GATAD2A: variants seen among roughly 807,000 people sequenced by gnomAD.
The protein encoded by GATAD2A is transcriptional repressor p66-alpha.
GATAD2A carries 12 observed loss-of-function variants against 68.5 expected under a neutral mutation model. The ratio of observed to expected loss-of-function variants is 0.18; its 90% CI spans 0.11 to 0.28. The LOEUF (loss-of-function observed/expected upper bound fraction) is 0.28, where lower values mean the gene tolerates loss of function less well. Ranked by LOEUF, GATAD2A falls within the 10% of genes least tolerant of loss-of-function variation. The pLI is 1.00. For synonymous variants in GATAD2A, 410 were observed against 375.3 expected (o/e 1.09, Z -1.07); for missense variants, 755 against 868.5 (o/e 0.87, Z 1.64).
intron 1 of GATAD2A, among the ~76,000 whole-genome samples, chr19:19,422,404 C>T (rs2052531975): frequency 6.6e-6 from 1 of 152,152 alleles, no homozygotes; most frequent in Non-Finnish European, 1.5e-5. Flanking sequence ...GCTGTTGGGC[C>T]ACACAAGCAG....
intron 1 of GATAD2A, among the ~76,000 whole-genome samples, chr19:19,420,249 CT>C (rs1674805885): frequency 6.9e-6 from 1 of 145,398 alleles, no homozygotes; most frequent in African/African-American, 2.6e-5. Context: ...TCTCGAACTC[CT>C]GACCTCAGGT....
In GATAD2A at chr19:19,440,243, ATTTTTATTTTTATTTAT is replaced by A. The variant is rs377654070; in HGVS notation, c.-6-25077_-6-25061del. The A allele has an allele frequency of 7.3e-4, 186 of 255,454 alleles. 10 individuals are homozygous for A. The highest frequency in any genetic ancestry group is 5.9e-3 in the East Asian group (40 of 6,756). 15.8% of individuals were successfully genotyped at this position (255,454 alleles called of 1,614,324 possible). A position where few individuals can be genotyped will look rare whatever the true frequency, so the allele number is the denominator to read the frequency against. On this transcript the variant is annotated intron_variant, in intron 1 of 11. Transcript: ENST00000683918. ...AAAGGTGGGGGGATTTGCTCATTTT[ATTTTTATTTTTATTTAT>A]TTTTTATTTTTATTTATTTATTTTT...
intron 11 of GATAD2A, among the ~76,000 whole-genome samples, chr19:19,504,412 C>G (rs773826514): frequency 6.6e-6 from 1 of 152,186 alleles, no homozygotes; most frequent in Non-Finnish European, 1.5e-5. Flanking sequence ...CCCAGTGTCT[C>G]CCCTTCACTT....
intron 1 of GATAD2A, among the ~76,000 whole-genome samples, chr19:19,460,931 C>T (rs1236896151): frequency 6.6e-6 from 1 of 152,204 alleles, no homozygotes; most frequent in Non-Finnish European, 1.5e-5. Context: ...CCGCCCGTTC[C>T]ACCCAGCCCC....
chr19:19,457,673 G>A (rs2057059949), intron 1 of GATAD2A, among the ~76,000 whole-genome samples: 1 of 151,748 alleles, frequency 6.6e-6, no homozygotes, highest in Middle Eastern at 3.2e-3. Context: ...CCCGGGAGGC[G>A]GAGCTTGCAG....
At chr19:19,432,690 TAA>T (rs1394501585) in intron 1 of GATAD2A, among the ~76,000 whole-genome samples, 1 of 152,228 alleles carries the variant, frequency 6.6e-6, no homozygotes, top group Non-Finnish European at 1.5e-5. Context: ...GGATTTTGTT[TAA>T]AACATAAAAA....
intron 2 of GATAD2A, among the ~76,000 whole-genome samples, chr19:19,473,276 T>A (rs1332972210): frequency 1.3e-5 from 2 of 152,146 alleles, no homozygotes; most frequent in African/African-American, 4.8e-5. Flanking sequence ...CAGGCTGGGA[T>A]GTGTGTTCCT....
chr19:19,398,151 C>T (rs1015535076), intron 1 of GATAD2A, among the ~76,000 whole-genome samples: 19 of 151,982 alleles, frequency 1.3e-4, no homozygotes, highest in African/African-American at 4.4e-4. Context: ...GATCTGGCTG[C>T]TGCAGCCTCC....
intron 2 of GATAD2A, among the ~76,000 whole-genome samples, chr19:19,470,155 G>GTTTTT (rs377538131): frequency 7.5e-6 from 1 of 134,100 alleles, no homozygotes; most frequent in Non-Finnish European, 1.6e-5. Flanking sequence ...TTTTTTTTTT[G>GTTTTT]TTTTTTTTTT....
chr19:19,415,369 G>A (rs952526432), intron 1 of GATAD2A, among the ~76,000 whole-genome samples: 1 of 151,564 alleles, frequency 6.6e-6, no homozygotes, highest in African/African-American at 2.4e-5. Context: ...TGGTCAGGCT[G>A]GTCTTGAACT....
chr19:19,495,980 C>T lies in GATAD2A; in HGVS notation c.757-72C>T, dbSNP rs2060124555. On this transcript the variant is annotated intron_variant, in intron 6 of 11. Coordinates refer to ENST00000683918, the MANE Select transcript of GATAD2A (RefSeq NM_001384528.1). ...TTCCCAGTCCTTGGGGGCAAGGTGCCCTGTGCCTTCCGGTCCCGCTCCATT... is the reference window on the plus strand; with the variant it reads ...TTCCCAGTCCTTGGGGGCAAGGTGCTCTGTGCCTTCCGGTCCCGCTCCATT... 4 of 1,581,036 alleles carry T rather than the reference C, an allele frequency of 2.5e-6. No individual in the cohort carries two copies. In the Admixed American group the frequency reaches 5.0e-5, roughly 20 times the overall value.
At chr19:19,432,829 G>A (rs2053904159) in intron 1 of GATAD2A, among the ~76,000 whole-genome samples, 1 of 151,300 alleles carries the variant, frequency 6.6e-6, no homozygotes, top group African/African-American at 2.4e-5. Context: ...GTGGGCCTCT[G>A]GGGTTAGGAG....
intron 1 of GATAD2A, among the ~76,000 whole-genome samples, chr19:19,463,236 G>A (rs1402425123): frequency 6.6e-6 from 1 of 152,134 alleles, no homozygotes. Flanking sequence ...CCACAGTGAG[G>A]GAAATGAGAG....
intron 1 of GATAD2A, among the ~76,000 whole-genome samples, chr19:19,412,866 A>G (rs559724617): frequency 2.6e-5 from 4 of 152,100 alleles, no homozygotes; most frequent in Non-Finnish European, 4.4e-5. Context: ...TAGGCCTCCA[A>G]TTTACGATGG....
intron 1 of GATAD2A, among the ~76,000 whole-genome samples, chr19:19,442,767 A>G (rs866611733): frequency 1.4e-5 from 2 of 148,014 alleles, no homozygotes; most frequent in South Asian, 4.4e-4. Flanking sequence ...GGACCCCCCA[A>G]GCTGAAAAAA....
chr19:19,503,386 G>A (rs1051083550), intron 11 of GATAD2A, among the ~76,000 whole-genome samples: 2 of 152,210 alleles, frequency 1.3e-5, no homozygotes, highest in African/African-American at 2.4e-5. Context: ...AGTGAGGGGC[G>A]TGCCCAGGTG....
At chr19:19,501,490 G>A (rs2060519226) in intron 9 of GATAD2A, 74 bp downstream of exon 9, 7 of 1,161,922 alleles carry the variant, frequency 6.0e-6, no homozygotes, top group East Asian at 5.1e-5. Context: ...CCACGCCTGC[G>A]CTGCACCGCC....
chr19:19,401,139 CAA>C (rs750599017), upstream of GATAD2A, among the ~76,000 whole-genome samples: 369 of 42,488 alleles, frequency 8.7e-3, no homozygotes, highest in South Asian at 0.072. Context: ...GACTCTGTCT[CAA>C]AAAAAAAAAA....
At chr19:19,492,823 A>C in intron 4 of GATAD2A, 111 bp downstream of exon 4, 1 of 1,059,320 alleles carries the variant, frequency 9.4e-7, no homozygotes, top group Admixed American at 2.2e-5. Flanking sequence ...TTGAGGGAGT[A>C]TAGGGCAAGG....
Sources: gnomAD v4.1 joint callset for allele counts (sites outside exome capture counted in the v4.1 genomes callset) on GRCh38, gnomAD v4.1.1 for gene constraint, MANE v1.5 for transcripts, NCBI Gene and HGNC (gene_info 2026-07-23, HGNC 2026-07-21) for gene names.